Variants in RBFOX1 observed in about 807,000 individuals in gnomAD.
The protein encoded by RBFOX1 is RNA binding protein fox-1 homolog 1.
A neutral mutation model predicts 57.7 loss-of-function variants in RBFOX1; 8 were observed. The observed-to-expected ratio is 0.14, with a 90% CI of 0.08 to 0.25. RBFOX1 has a LOEUF of 0.25. Ranked by LOEUF, RBFOX1 falls within the 10% of genes least tolerant of loss-of-function variation. RBFOX1 has a pLI of 1.00. For missense variants in RBFOX1, 611 were observed against 548.5 expected, an observed-to-expected ratio of 1.11 and a Z score of -1.14; for synonymous variants, 326 against 222.4, an observed-to-expected ratio of 1.47 and a Z score of -4.15.
chr16:7,324,311 C>A (rs116198425), intron 4 of RBFOX1, among the ~76,000 whole-genome samples: 1 of 152,182 alleles, frequency 6.6e-6, no homozygotes, highest in Non-Finnish European at 1.5e-5. Flanking sequence ...CAAAAATCCT[C>A]ATTTACCAGT....
In RBFOX1 at chr16:6,518,786, T is replaced by C. The variant is rs1274503112; in HGVS notation, c.-63-135817T>C. Among the ~76,000 whole-genome samples, 4 of 76,432 alleles carry C rather than the reference T, an allele frequency of 5.2e-5. No homozygotes were observed. In the South Asian group the frequency reaches 1.3e-3, roughly 25 times the overall value. The allele number at this position is 76,432 out of a possible 152,430, so 50.1% of individuals were successfully genotyped here. A position where few individuals can be genotyped will look rare whatever the true frequency, so the allele number is the denominator to read the frequency against. Reference sequence around the variant, plus strand: ...ATCTATCTATCCATCTGTCTGTCTGTCTGTGTGTCTGTCTATCTATCTATC... The same window carrying C: ...ATCTATCTATCCATCTGTCTGTCTGCCTGTGTGTCTGTCTATCTATCTATC... On this transcript the variant is annotated intron_variant, in intron 2 of 15. Transcript: ENST00000550418.
At chr16:6,329,856 T>C (rs1368506891) in intron 2 of RBFOX1, among the ~76,000 whole-genome samples, 1 of 152,182 alleles carries the variant, frequency 6.6e-6, no homozygotes, top group Non-Finnish European at 1.5e-5. Flanking sequence ...GAGAATCACT[T>C]GAACCCAGGA....
At chr16:7,383,183 T>G (rs1396031816) in intron 4 of RBFOX1, among the ~76,000 whole-genome samples, 2 of 152,060 alleles carry the variant, frequency 1.3e-5, no homozygotes, top group African/African-American at 4.8e-5. Flanking sequence ...TTGTCCATGA[T>G]GTGCTTATTT....
At position 5,829,890 on chromosome 16, in the gene RBFOX1, G is replaced by GT. The variant is rs1028673750; in HGVS notation, c.319-37404dup. ...AACAGGGGGGAAGAAAAGGCCTTTG[G>GT]TTTTTTTTTCCCCTTAGGTGACTTA... On this transcript the variant is annotated intron_variant, in intron 3 of 19. Coordinates refer to the RBFOX1 transcript ENST00000641259. Among the ~76,000 whole-genome samples the GT allele has an allele frequency of 4.3e-4, 65 of 151,674 alleles. 1 individual carries two copies. The East Asian group carries it at 6.8e-3, about 16-fold the overall frequency.
intron 3 of RBFOX1, among the ~76,000 whole-genome samples, chr16:5,642,511 A>G (rs1260258763): frequency 1.3e-5 from 2 of 152,196 alleles, no homozygotes; most frequent in African/African-American, 4.8e-5. Flanking sequence ...AAATGCTGCA[A>G]TCTGAGGCTG....
intron 3 of RBFOX1, among the ~76,000 whole-genome samples, chr16:5,800,993 G>A (rs892362656): frequency 1.3e-5 from 2 of 152,142 alleles, no homozygotes; most frequent in African/African-American, 2.4e-5. Context: ...AAGTGCAAGA[G>A]CAAGACAGAG....
At chr16:6,334,260 C>A (rs144756927) in intron 2 of RBFOX1, among the ~76,000 whole-genome samples, 167 of 152,152 alleles carry the variant, frequency 1.1e-3, no homozygotes, top group African/African-American at 3.9e-3. Context: ...GTAATCCTAG[C>A]GCTTTGGGAG....
intron 4 of RBFOX1, among the ~76,000 whole-genome samples, chr16:7,402,283 C>T (rs1054365476): frequency 1.3e-5 from 2 of 152,112 alleles, no homozygotes; most frequent in Non-Finnish European, 2.9e-5. Context: ...TTGTTAACTG[C>T]CCTGAAAGTG....
chr16:6,927,911 C>A (rs188729098), intron 3 of RBFOX1, among the ~76,000 whole-genome samples: 31 of 152,314 alleles, frequency 2.0e-4, no homozygotes, highest in African/African-American at 7.5e-4. Flanking sequence ...CATCTAAACA[C>A]TAAATATAAT....
intron 10 of RBFOX1, among the ~76,000 whole-genome samples, chr16:7,626,638 G>A (rs1039018546): frequency 1.3e-5 from 2 of 152,156 alleles, no homozygotes; most frequent in African/African-American, 4.8e-5. Context: ...TAAGAACCAG[G>A]AAAGAAGAGA....
chr16:6,378,062 G>A (rs968033977), intron 2 of RBFOX1, among the ~76,000 whole-genome samples: 6 of 152,202 alleles, frequency 3.9e-5, no homozygotes, highest in Admixed American at 1.3e-4. Context: ...TGGATAGGCC[G>A]TGTATGTTTA....
intron 3 of RBFOX1, among the ~76,000 whole-genome samples, chr16:7,028,329 C>T (rs565241095): frequency 6.6e-6 from 1 of 152,090 alleles, no homozygotes; most frequent in Admixed American, 6.6e-5. Flanking sequence ...TGTGAAATTG[C>T]TCTGCCTGGG....
At chr16:7,190,098 C>G (rs1366768130) in intron 4 of RBFOX1, among the ~76,000 whole-genome samples, 1 of 152,218 alleles carries the variant, frequency 6.6e-6, no homozygotes, top group Non-Finnish European at 1.5e-5. Flanking sequence ...CAGTGGCTCA[C>G]TCCTGTAATC....
At position 6,867,928 on chromosome 16, in the gene RBFOX1, C is replaced by T. The variant is rs1445737090; in HGVS notation, c.-15-184129C>T. Among the ~76,000 whole-genome samples, 3 of 152,010 alleles carry T rather than the reference C, an allele frequency of 2.0e-5. No homozygotes were observed. The East Asian group carries it at 5.8e-4, about 29-fold the overall frequency. ...ACAAGAGAGTAATCAAATATAGAAG[C>T]CAAGCGTCCAGAACTATGGCTCAGA... On this transcript the variant is annotated intron_variant, in intron 3 of 15. Transcript: ENST00000550418.
intron 3 of RBFOX1, among the ~76,000 whole-genome samples, chr16:6,855,223 G>T (rs953901616): frequency 2.0e-5 from 3 of 152,080 alleles, no homozygotes; most frequent in African/African-American, 7.2e-5. Context: ...TGATAAGCAT[G>T]CAGTGAACAT....
intron 1 of RBFOX1, among the ~76,000 whole-genome samples, chr16:6,188,350 C>T (rs1216561579): frequency 6.7e-6 from 1 of 150,088 alleles, no homozygotes; most frequent in Non-Finnish European, 1.5e-5. Context: ...AAAATTTTCT[C>T]CAGAAGACCA....
intron 1 of RBFOX1, among the ~76,000 whole-genome samples, chr16:5,461,430 G>A (rs2068784834): frequency 6.6e-6 from 1 of 152,128 alleles, no homozygotes; most frequent in Non-Finnish European, 1.5e-5. Context: ...TGGCAGGGAG[G>A]GCAGGCACCT....
At chr16:6,450,604 C>G (rs892112731) in intron 2 of RBFOX1, among the ~76,000 whole-genome samples, 9 of 149,684 alleles carry the variant, frequency 6.0e-5, no homozygotes, top group African/African-American at 1.5e-4. Context: ...GTTTCCAACC[C>G]CTGTTTCCAT....
intron 4 of RBFOX1, among the ~76,000 whole-genome samples, chr16:7,082,461 G>C (rs2059346247): frequency 6.6e-6 from 1 of 151,642 alleles, no homozygotes; most frequent in Non-Finnish European, 1.5e-5. Context: ...ATGCACCTGT[G>C]GTCCCAGCTA....
Sources: gnomAD v4.1 joint callset for allele counts (sites outside exome capture counted in the v4.1 genomes callset) on GRCh38, gnomAD v4.1.1 for gene constraint, MANE v1.5 for transcripts, NCBI Gene and HGNC (gene_info 2026-07-23, HGNC 2026-07-21) for gene names.